The following BTD variants were observed in gnomAD, a reference collection of about 807,000 sequenced individuals.
BTD encodes the protein biocytinase.
In BTD, 13 loss-of-function variants were observed where a neutral mutation model predicts 17.7. That is an observed-to-expected ratio of 0.74 (90% CI 0.48 to 1.17). The LOEUF (loss-of-function observed/expected upper bound fraction) is 1.17. Among genes scored for constraint, BTD ranks in the 50% most tolerant of loss-of-function variants. The probability of loss-of-function intolerance (pLI) is 0.00; values close to 1 mark genes in which losing one functional copy is unlikely to be tolerated. For synonymous variants in BTD, 240 were observed against 245.2 expected, an observed-to-expected ratio of 0.98 and a Z score of 0.20; for missense variants, 674 against 650.4, an observed-to-expected ratio of 1.04 and a Z score of -0.39.
intron 2 of BTD, among the ~76,000 whole-genome samples, chr3:15,638,139 G>T (rs919799917): frequency 6.6e-6 from 1 of 152,150 alleles, no homozygotes; most frequent in African/African-American, 2.4e-5. Flanking sequence ...AAAGAATCGA[G>T]AATTGCATAC....
intron 3 of BTD, among the ~76,000 whole-genome samples, chr3:15,695,479 A>G (rs972867614): frequency 6.6e-6 from 1 of 152,020 alleles, no homozygotes; most frequent in African/African-American, 2.4e-5. Flanking sequence ...TAAATTGTCA[A>G]CCTCCCTTTT....
intron 3 of BTD, chr3:15,670,101 A>T (rs2066199921): frequency 1.4e-5 from 10 of 692,980 alleles, no homozygotes; most frequent in Non-Finnish European, 2.3e-5. Context: ...TTCCTTTTGT[A>T]AAACTTGCCT....
intron 3 of BTD, among the ~76,000 whole-genome samples, chr3:15,705,470 G>A (rs2071230175): frequency 6.6e-6 from 1 of 152,146 alleles, no homozygotes; most frequent in East Asian, 1.9e-4. Flanking sequence ...TAACCAGTCT[G>A]TGAAAGTAGT....
intron 2 of BTD, among the ~76,000 whole-genome samples, chr3:15,639,612 A>G (rs912822818): frequency 2.0e-5 from 3 of 152,238 alleles, no homozygotes; most frequent in African/African-American, 7.2e-5. Context: ...TAATTAAAGA[A>G]TAATTGAGTG....
Position 15,643,500 on chromosome 3 carries a change from CA to C in BTD, c.400-806del, listed in dbSNP as rs1038466793. Among the ~76,000 whole-genome samples, 191 of 144,756 alleles carry C rather than the reference CA, an allele frequency of 1.3e-3. 1 individual carries two copies. Among genetic ancestry groups the C allele is most frequent in the African/African-American group, 4.6e-3 (181 of 39,354 alleles). 95.0% of individuals were successfully genotyped at this position (144,756 alleles called of 152,430 possible). ...TGGGCGACAGAGCCAGACCCTGCCT[CA>C]AAAAAAAAAGAAAAAGAAGAATCTT... On this transcript the variant is annotated intron_variant, in intron 3 of 3. Coordinates refer to ENST00000643237, the MANE Select transcript of BTD (RefSeq NM_001370658.1).
intron 3 of BTD, among the ~76,000 whole-genome samples, chr3:15,687,083 C>G (rs867817702): frequency 1.3e-5 from 2 of 151,942 alleles, no homozygotes; most frequent in East Asian, 3.9e-4. Context: ...GCTGGGATTA[C>G]AGGCGCCTGC....
intron 1 of BTD, among the ~76,000 whole-genome samples, chr3:15,605,660 T>TTATA (rs145613646): frequency 6.6e-6 from 1 of 150,866 alleles, no homozygotes; most frequent in African/African-American, 2.4e-5. Context: ...GTTTTGACAG[T>TTATA]TATATATATA....
intron 1 of BTD, among the ~76,000 whole-genome samples, chr3:15,628,947 TAAC>T (rs1049053544): frequency 6.6e-6 from 1 of 152,208 alleles, no homozygotes; most frequent in African/African-American, 2.4e-5. Flanking sequence ...TAAAAACCAA[TAAC>T]AACCTGGTTC....
chr3:15,617,097 T>C (rs1454236522), intron 1 of BTD, among the ~76,000 whole-genome samples: 1 of 152,244 alleles, frequency 6.6e-6, no homozygotes, highest in Non-Finnish European at 1.5e-5. Context: ...CCTCCCAAAG[T>C]GCTGGGATTA....
intron 3 of BTD, among the ~76,000 whole-genome samples, chr3:15,681,531 T>G (rs1296847173): frequency 2.0e-5 from 3 of 152,240 alleles, no homozygotes; most frequent in Non-Finnish European, 4.4e-5. Context: ...GGGATCTACT[T>G]TAGGAATAAG....
chr3:15,617,630 G>A (rs1298664479), intron 1 of BTD, among the ~76,000 whole-genome samples: 1 of 152,176 alleles, frequency 6.6e-6, no homozygotes, highest in African/African-American at 2.4e-5. Flanking sequence ...GCTCAGTAGA[G>A]TTCAATAGTT....
At chr3:15,631,808 G>A (rs1408185832) in intron 1 of BTD, among the ~76,000 whole-genome samples, 3 of 152,190 alleles carry the variant, frequency 2.0e-5, no homozygotes, top group African/African-American at 4.8e-5. Flanking sequence ...TACGTGAACT[G>A]GGGAGTCACT....
intron 1 of BTD, among the ~76,000 whole-genome samples, chr3:15,632,118 C>T (rs1203735790): frequency 6.6e-6 from 1 of 152,178 alleles, no homozygotes; most frequent in Non-Finnish European, 1.5e-5. Flanking sequence ...GATTTCCTCC[C>T]GAACCCCCTT....
chr3:15,674,232 TC>T (rs1267359518), intron 3 of BTD, among the ~76,000 whole-genome samples: 1 of 140,546 alleles, frequency 7.1e-6, no homozygotes, highest in East Asian at 2.3e-4. Flanking sequence ...TAACATGTTC[TC>T]ATATACTTTA....
rs749460715 is a variant in BTD, at chr3:15,645,162, G to A, written c.1246G>A (p.Glu416Lys). 10 of 1,614,184 alleles carry A rather than the reference G, an allele frequency of 6.2e-6. No homozygotes were observed. In the East Asian group the frequency reaches 2.2e-4, roughly 36 times the overall value. Residue 416 changes from glutamate to lysine, a missense_variant, in exon 4 of 4, where the codon GAG becomes AAG. Glu to Lys is a moderately conservative substitution (Grantham distance 56). Transcript: ENST00000643237. Reference protein sequence around the residue: ...LLYERPTLSKELYALGVFDGL... With the variant: ...LLYERPTLSKKLYALGVFDGL... ...TTACGAGAGGCCCACCTTATCCAAAGAGCTGTATGCCCTGGGGGTCTTTGA... is the reference window on the plus strand; with the variant it reads ...TTACGAGAGGCCCACCTTATCCAAAAAGCTGTATGCCCTGGGGGTCTTTGA...
downstream of BTD, among the ~76,000 whole-genome samples, chr3:15,713,093 G>C (rs972255908): frequency 1.3e-5 from 2 of 152,042 alleles, no homozygotes; most frequent in Non-Finnish European, 2.9e-5. Flanking sequence ...ACCAAAATGG[G>C]GGTGGGGGTA....
At chr3:15,660,557 C>A (rs531513048) in intron 3 of BTD, among the ~76,000 whole-genome samples, 1 of 152,176 alleles carries the variant, frequency 6.6e-6, no homozygotes, top group Admixed American at 6.5e-5. Context: ...TGTTTATATA[C>A]AATGTGTTGA....
chr3:15,665,721 T>C (rs1366279856), intron 3 of BTD, among the ~76,000 whole-genome samples: 2 of 152,242 alleles, frequency 1.3e-5, no homozygotes, highest in Non-Finnish European at 2.9e-5. Context: ...CGATTTGTTA[T>C]GGCCAGTGGA....
downstream of BTD, among the ~76,000 whole-genome samples, chr3:15,654,980 G>A (rs190633123): frequency 7.4e-3 from 1,119 of 152,232 alleles, 42 homozygotes; most frequent in Admixed American, 0.067. Context: ...TGATCTGCCC[G>A]CCTTGGCCTC....
Sources: allele counts gnomAD v4.1 joint callset (sites outside exome capture counted in the v4.1 genomes callset), GRCh38; gene constraint gnomAD v4.1.1; transcripts MANE v1.5; gene names NCBI Gene and HGNC (gene_info 2026-07-23, HGNC 2026-07-21).